Variants in CDH13 observed in about 807,000 individuals in gnomAD.
CDH13 encodes the protein cadherin 13.
CDH13 carries 24 observed loss-of-function variants against 63.8 expected under a neutral mutation model. The observed-to-expected ratio is 0.38, with a 90% CI of 0.27 to 0.53. The LOEUF (loss-of-function observed/expected upper bound fraction) is 0.53, where lower values mean the gene tolerates loss of function less well. Among genes scored for constraint, CDH13 ranks in the 20% least tolerant of loss-of-function variants. CDH13 has a pLI of 0.85. For synonymous variants in CDH13, 503 were observed against 355.3 expected (o/e 1.42, Z -4.67); for missense variants, 1,049 against 903.1 (o/e 1.16, Z -2.07).
intron 6 of CDH13, among the ~76,000 whole-genome samples, chr16:83,347,437 A>G (rs935211369): frequency 2.6e-5 from 4 of 152,170 alleles, no homozygotes; most frequent in Non-Finnish European, 5.9e-5. Flanking sequence ...CACAAATAAA[A>G]GATGGGAGTC....
chr16:82,698,601 G>T (rs916340874), intron 1 of CDH13, among the ~76,000 whole-genome samples: 2 of 152,134 alleles, frequency 1.3e-5, no homozygotes, highest in Non-Finnish European at 2.9e-5. Flanking sequence ...CATTGGAGGA[G>T]GCATGAGAGA....
chr16:83,017,998 A>G (rs941587313), intron 2 of CDH13, among the ~76,000 whole-genome samples: 2 of 152,212 alleles, frequency 1.3e-5, no homozygotes, highest in African/African-American at 4.8e-5. Flanking sequence ...ATTTTATGTG[A>G]AAAAACTCTC....
At chr16:83,211,109 G>A (rs975790615) in intron 4 of CDH13, among the ~76,000 whole-genome samples, 4 of 149,386 alleles carry the variant, frequency 2.7e-5, no homozygotes, top group African/African-American at 9.9e-5. Flanking sequence ...GATCACACCA[G>A]TGCACTCCAG....
intron 6 of CDH13, among the ~76,000 whole-genome samples, chr16:83,374,187 C>G (rs746803995): frequency 6.6e-6 from 1 of 152,196 alleles, no homozygotes; most frequent in African/African-American, 2.4e-5. Context: ...AGTCCAACCC[C>G]TTAGCCTGCA....
chr16:83,319,969 A>G lies in CDH13; in HGVS notation c.637-24893A>G, dbSNP rs80133186. On this transcript the variant is annotated intron_variant, in intron 5 of 13. Transcript: ENST00000567109. Reference sequence around the variant, plus strand: ...AGGCATCATGGAAAAACGAGGTTCTAAGTAATTCTAGGATTATTCTGCAGC... The same window carrying G: ...AGGCATCATGGAAAAACGAGGTTCTGAGTAATTCTAGGATTATTCTGCAGC... Among the ~76,000 whole-genome samples, 577 of 152,296 alleles carry G rather than the reference A, an allele frequency of 3.8e-3. 7 individuals are homozygous for G. The highest frequency in any genetic ancestry group is 0.013 in the African/African-American group (547 of 41,574).
intron 3 of CDH13, among the ~76,000 whole-genome samples, chr16:83,072,768 C>G (rs781219981): frequency 5.9e-5 from 9 of 152,122 alleles, no homozygotes; most frequent in Non-Finnish European, 1.3e-4. Context: ...AAGAACACCC[C>G]TCACTAGTAG....
chr16:83,279,778 G>A (rs1346581817), intron 5 of CDH13, among the ~76,000 whole-genome samples: 1 of 151,620 alleles, frequency 6.6e-6, no homozygotes, highest in African/African-American at 2.4e-5. Flanking sequence ...GTAGCTCAGA[G>A]ATATCAAAGG....
intron 2 of CDH13, among the ~76,000 whole-genome samples, chr16:83,011,749 A>C (rs899479952): frequency 5.3e-5 from 8 of 152,132 alleles, no homozygotes; most frequent in Middle Eastern, 3.4e-3. Flanking sequence ...TTCATTTTCC[A>C]ATGCTCTTCA....
chr16:83,282,810 G>T (rs181585764), intron 5 of CDH13, among the ~76,000 whole-genome samples: 1 of 152,214 alleles, frequency 6.6e-6, no homozygotes, highest in Non-Finnish European at 1.5e-5. Context: ...CTGCTGATGG[G>T]TGGATTTTCA....
intron 2 of CDH13, among the ~76,000 whole-genome samples, chr16:82,997,408 G>T (rs1597379546): frequency 6.6e-6 from 1 of 152,116 alleles, no homozygotes; most frequent in East Asian, 1.9e-4. Context: ...CAAATTTAAA[G>T]GGATACGAAA....
At chr16:83,779,406 CAAAAAAAAAAAA>C (rs144757645) in intron 11 of CDH13, among the ~76,000 whole-genome samples, 2 of 82,552 alleles carry the variant, frequency 2.4e-5, no homozygotes, top group Admixed American at 1.8e-4. Context: ...GACTCCATCT[CAAAAAAAAAAAA>C]AAAAAAAAAA....
At chr16:82,713,299 C>G (rs537009689) in intron 1 of CDH13, among the ~76,000 whole-genome samples, 1 of 152,236 alleles carries the variant, frequency 6.6e-6, no homozygotes, top group South Asian at 2.1e-4. Context: ...CCAGGCAATT[C>G]TATACACACT....
chr16:83,445,238 T>TAAAAGCTTTTAC, intron 6 of CDH13, among the ~76,000 whole-genome samples: 1 of 56,408 alleles, frequency 1.8e-5, no homozygotes, highest in Non-Finnish European at 4.5e-5. Context: ...CGAGAGTTTA[T>TAAAAGCTTTTAC]AATTTATAAA....
chr16:82,974,919 C>T (rs957633107), intron 2 of CDH13, among the ~76,000 whole-genome samples: 3 of 152,230 alleles, frequency 2.0e-5, no homozygotes, highest in East Asian at 1.9e-4. Flanking sequence ...TTACAGCGGC[C>T]GCAGGATGCC....
intron 1 of CDH13, among the ~76,000 whole-genome samples, chr16:82,714,208 C>CTCTG (rs2032180995): frequency 6.6e-6 from 1 of 152,170 alleles, no homozygotes; most frequent in Non-Finnish European, 1.5e-5. Flanking sequence ...CCTCTGACTC[C>CTCTG]ACTTAAGCCC....
intron 1 of CDH13, among the ~76,000 whole-genome samples, chr16:82,777,536 T>C (rs2035554068): frequency 1.3e-5 from 2 of 152,218 alleles, no homozygotes; most frequent in Admixed American, 6.5e-5. Flanking sequence ...TTTGTGACAG[T>C]TCTGTACCAT....
chr16:83,685,073 T>TG (rs1296200911), intron 10 of CDH13, among the ~76,000 whole-genome samples: 6 of 152,092 alleles, frequency 3.9e-5, no homozygotes, highest in Non-Finnish European at 7.4e-5. Flanking sequence ...GACAGCAGGA[T>TG]GGGAAATGGA....
chr16:82,640,294 C>A (rs1191041022), intron 1 of CDH13, among the ~76,000 whole-genome samples: 3 of 152,186 alleles, frequency 2.0e-5, no homozygotes, highest in Admixed American at 6.5e-5. Flanking sequence ...GTTAGTAATA[C>A]ATACATGGCA....
chr16:83,471,070 A>T (rs1008569878), intron 6 of CDH13, among the ~76,000 whole-genome samples: 3 of 151,840 alleles, frequency 2.0e-5, no homozygotes, highest in African/African-American at 7.3e-5. Context: ...TTCCCTGTTC[A>T]CATCTCCTTC....
Sources: gnomAD v4.1 joint callset for allele counts (sites outside exome capture counted in the v4.1 genomes callset) on GRCh38, gnomAD v4.1.1 for gene constraint, MANE v1.5 for transcripts, NCBI Gene and HGNC (gene_info 2026-07-23, HGNC 2026-07-21) for gene names.